Variants in XKR6 observed in about 807,000 individuals in gnomAD.
XKR6 encodes the protein XK-related protein 6.
In XKR6, 22 loss-of-function variants were observed where a neutral mutation model predicts 56.7. The observed-to-expected ratio is 0.39, with a 90% CI of 0.28 to 0.55. The LOEUF is 0.55. Among genes scored for constraint, XKR6 ranks in the 20% least tolerant of loss-of-function variants. The probability of loss-of-function intolerance (pLI) is 0.66; values close to 1 mark genes in which losing one functional copy is unlikely to be tolerated. For synonymous variants in XKR6, 524 were observed against 387.8 expected (o/e 1.35, Z -4.13); for missense variants, 852 against 889.0 (o/e 0.96, Z 0.53).
intron 2 of XKR6, among the ~76,000 whole-genome samples, chr8:10,920,247 A>T (rs753671339): frequency 2.6e-5 from 4 of 152,232 alleles, no homozygotes; most frequent in Non-Finnish European, 5.9e-5. Flanking sequence ...GCGAATTCAG[A>T]AGGTCCATCT....
At chr8:11,160,206 AAAAGT>A (rs1801725861) in intron 1 of XKR6, among the ~76,000 whole-genome samples, 1 of 152,206 alleles carries the variant, frequency 6.6e-6, no homozygotes, top group Admixed American at 6.5e-5. Context: ...GAAACAAAAA[AAAAGT>A]AAATTCCTTA....
intron 1 of XKR6, among the ~76,000 whole-genome samples, chr8:11,083,441 C>A (rs541766503): frequency 6.6e-6 from 1 of 152,326 alleles, no homozygotes; most frequent in South Asian, 2.1e-4. Flanking sequence ...TCACACCGAT[C>A]GCCCCTGGGA....
intron 2 of XKR6, among the ~76,000 whole-genome samples, chr8:10,912,462 T>TAGAGAG (rs758680509): frequency 1.7e-5 from 2 of 118,824 alleles, no homozygotes; most frequent in Non-Finnish European, 3.4e-5. Context: ...TATATATATA[T>TAGAGAG]ATATAGAGAG....
At chr8:11,085,711 G>A (rs543309826) in intron 1 of XKR6, among the ~76,000 whole-genome samples, 3 of 152,232 alleles carry the variant, frequency 2.0e-5, no homozygotes, top group South Asian at 2.1e-4. Context: ...CCTCCCACAG[G>A]CCTCTCCTCT....
intron 1 of XKR6, among the ~76,000 whole-genome samples, chr8:11,081,627 G>A (rs1478407747): frequency 6.6e-6 from 1 of 152,112 alleles, no homozygotes; most frequent in African/African-American, 2.4e-5. Flanking sequence ...CACTCAGCCT[G>A]AATTCTTCTT....
At chr8:10,960,150 G>A (rs777269281) in intron 1 of XKR6, among the ~76,000 whole-genome samples, 9 of 152,240 alleles carry the variant, frequency 5.9e-5, no homozygotes, top group African/African-American at 1.7e-4. Flanking sequence ...TTCCTAGGCA[G>A]TTAGTTCAGA....
chr8:10,912,651 T>TGGGA (rs1397411775), intron 2 of XKR6, among the ~76,000 whole-genome samples: 1 of 45,138 alleles, frequency 2.2e-5, no homozygotes, highest in African/African-American at 1.2e-4. Flanking sequence ...AAAGAGGGTG[T>TGGGA]CTATATGTGT....
At chr8:11,038,579 G>C (rs755122661) in intron 1 of XKR6, among the ~76,000 whole-genome samples, 42 of 150,610 alleles carry the variant, frequency 2.8e-4, no homozygotes, top group Non-Finnish European at 5.0e-4. Context: ...CTGTCGCCTA[G>C]GCTGGAGTGC....
At chr8:11,088,654 T>C (rs1348218697) in intron 1 of XKR6, among the ~76,000 whole-genome samples, 1 of 152,198 alleles carries the variant, frequency 6.6e-6, no homozygotes, top group Admixed American at 6.5e-5. Context: ...ACTAAATATT[T>C]AGATTCAAGT....
chr8:11,126,411 C>G (rs10503415), intron 1 of XKR6, among the ~76,000 whole-genome samples: 59,750 of 151,996 alleles, frequency 0.39, 12,663 homozygotes, highest in African/African-American at 0.51. Flanking sequence ...TCTACATTTT[C>G]TTATGCTACA....
At position 11,030,719 on chromosome 8, in the gene XKR6, C is replaced by T. The variant is rs550446856; in HGVS notation, c.765-105889G>A. Reference sequence around the variant, plus strand: ...CCTAGGACAGCATCCCCCTAATGGGCGGTAGTTCCTCACCTCTGCCAGCCA... The same window carrying T: ...CCTAGGACAGCATCCCCCTAATGGGTGGTAGTTCCTCACCTCTGCCAGCCA... On this transcript the variant is annotated intron_variant, in intron 1 of 2. Transcript: ENST00000416569. Among the ~76,000 whole-genome samples, 33 of 152,168 alleles carry T rather than the reference C, an allele frequency of 2.2e-4. 3 individuals are homozygous for T. Among genetic ancestry groups the T allele is most frequent in the African/African-American group, 7.7e-4 (32 of 41,518 alleles).
chr8:11,157,136 A>G (rs1400298177), intron 1 of XKR6, among the ~76,000 whole-genome samples: 1 of 152,206 alleles, frequency 6.6e-6, no homozygotes, highest in Non-Finnish European at 1.5e-5. Flanking sequence ...CATCCTACAA[A>G]ATGCCTGACC....
intron 1 of XKR6, among the ~76,000 whole-genome samples, chr8:11,170,624 G>C (rs981739273): frequency 1.3e-5 from 2 of 152,212 alleles, no homozygotes; most frequent in African/African-American, 4.8e-5. Context: ...TAGCACATTT[G>C]TGGTAATCGT....
intron 1 of XKR6, among the ~76,000 whole-genome samples, chr8:11,160,746 A>G (rs1341189116): frequency 1.3e-5 from 2 of 151,954 alleles, no homozygotes; most frequent in Non-Finnish European, 2.9e-5. Context: ...CGTCTCTACT[A>G]AAAATACAAA....
chr8:11,056,085 G>T (rs548940172), intron 1 of XKR6, among the ~76,000 whole-genome samples: 1 of 152,106 alleles, frequency 6.6e-6, no homozygotes, highest in East Asian at 1.9e-4. Context: ...ATAGGAGGCC[G>T]TGGACGACGT....
intron 1 of XKR6, among the ~76,000 whole-genome samples, chr8:10,978,506 G>C (rs1797643117): frequency 6.6e-6 from 1 of 152,162 alleles, no homozygotes; most frequent in Non-Finnish European, 1.5e-5. Flanking sequence ...GATTTGATGG[G>C]AAACAGGTGT....
In XKR6 at chr8:10,985,870, C is replaced by G. The variant is rs560644439; in HGVS notation, c.765-61040G>C. Among the ~76,000 whole-genome samples, 8 of 152,232 alleles carry G rather than the reference C, an allele frequency of 5.3e-5. No individual in the cohort carries two copies. The East Asian group carries it at 1.5e-3, about 29-fold the overall frequency. On this transcript the variant is annotated intron_variant, in intron 1 of 2. Transcript: ENST00000416569. ...ATCCACCTGCCTTGGACTCCCAGAGCGCTGGGATTACAGGCATGAGCCACT... is the reference window on the plus strand; with the variant it reads ...ATCCACCTGCCTTGGACTCCCAGAGGGCTGGGATTACAGGCATGAGCCACT...
intron 1 of XKR6, among the ~76,000 whole-genome samples, chr8:10,941,511 C>T (rs937439020): frequency 3.3e-5 from 5 of 152,228 alleles, no homozygotes; most frequent in African/African-American, 9.6e-5. Flanking sequence ...AGGTTAAGCT[C>T]GGCCACTCCT....
chr8:11,089,323 G>C lies in XKR6; in HGVS notation c.764+111253C>G, dbSNP rs1040348289. Among the ~76,000 whole-genome samples the C allele has an allele frequency of 6.6e-5, 10 of 152,318 alleles. No individual in the cohort carries two copies. In the East Asian group the frequency reaches 1.2e-3, roughly 18 times the overall value. On this transcript the variant is annotated intron_variant, in intron 1 of 2. Coordinates refer to ENST00000416569, the MANE Select transcript of XKR6 (RefSeq NM_173683.4). ...TTATCATACACTCACGCCAGCCTGG[G>C]GTTGAGTGCTTTTTAAAAATGAAGT...
Sources: gnomAD v4.1 joint callset for allele counts (sites outside exome capture counted in the v4.1 genomes callset) on GRCh38, gnomAD v4.1.1 for gene constraint, MANE v1.5 for transcripts, NCBI Gene and HGNC (gene_info 2026-07-23, HGNC 2026-07-21) for gene names.